The following ATRIP variants were observed in gnomAD, a reference collection of about 807,000 sequenced individuals.
The protein encoded by ATRIP is ATR interacting protein.
A neutral mutation model predicts 78.1 loss-of-function variants in ATRIP; 44 were observed. That is an observed-to-expected ratio of 0.56 (90% confidence interval 0.44 to 0.72). ATRIP has a LOEUF of 0.72. ATRIP is among the 30% of genes least tolerant of loss of function. The pLI, the probability that ATRIP is intolerant of heterozygous loss-of-function variation, is 0.00. For synonymous variants in ATRIP, 388 were observed against 408.9 expected (o/e 0.95, Z 0.62); for missense variants, 927 against 980.2 (o/e 0.95, Z 0.72).
At chr3:48,459,699 A>G (rs891116690) in intron 6 of ATRIP, 88 bp from the exon 7 acceptor site, 4 of 1,537,412 alleles carry the variant, frequency 2.6e-6, no homozygotes, top group Non-Finnish European at 3.5e-6. Context: ...GACAGTTGGC[A>G]TCCAAAGAAT....
chr3:48,457,320 A>G lies in ATRIP; in HGVS notation c.733A>G (p.Thr245Ala). The G allele has an allele frequency of 1.2e-6, 2 of 1,607,046 alleles. No homozygotes were observed. The highest frequency in any genetic ancestry group is 1.7e-5 in the Admixed American group (1 of 58,908). The part of the protein sequence containing the change: ...PEACSPQFGK[T>A]SFPTKESFSA... ...AGCATGTTCTCCACAATTTGGAAAA[A>G]CATCTTTTCCTACAAAGGAGTCTTT... Residue 245 changes from threonine (T) to alanine (A), a missense_variant, in exon 5 of 13, where the codon ACA becomes GCA. Coordinates refer to ENST00000320211, the MANE Select transcript of ATRIP (RefSeq NM_130384.3).
chr3:48,460,354 C>T lies in ATRIP; in HGVS notation c.1300C>T (p.Leu434=). 1 of 1,613,454 alleles carries T rather than the reference C, an allele frequency of 6.2e-7. No homozygotes were observed. The highest frequency in any genetic ancestry group is 1.1e-5 in the South Asian group (1 of 91,016). Residue 434 remains leucine, a synonymous_variant, in exon 8 of 13, where the codon CTG becomes TTG. Coordinates refer to ENST00000320211, the MANE Select transcript of ATRIP (RefSeq NM_130384.3). ...CTTCATCGGCTTACACTGCCAGGCC[C>T]TGCAGGACTTGGCAGCTGCTAAGAG... ...QFFIGLHCQA[L]QDLAAAKRSG... is the part of the protein sequence containing the mutation.
intron 10 of ATRIP, 100 bp downstream of exon 10, chr3:48,464,232 C>T (rs2107239546): frequency 2.7e-6 from 3 of 1,111,458 alleles, no homozygotes; most frequent in Middle Eastern, 4.1e-4. Flanking sequence ...AGCTTTAATT[C>T]ATTTTAGTAA....
Position 48,454,948 on chromosome 3 carries a change from C to T in ATRIP, c.671+530C>T, listed in dbSNP as rs1229985211. Reference sequence around the variant, plus strand: ...TACAATCTCGGCTCACTGCAACCTCCGCCTCCTGGGTTCAAGCAATTCTCC... The same window carrying T: ...TACAATCTCGGCTCACTGCAACCTCTGCCTCCTGGGTTCAAGCAATTCTCC... On this transcript the variant is annotated intron_variant, in intron 4 of 12. Transcript: ENST00000320211. Among the ~76,000 whole-genome samples the T allele has an allele frequency of 4.6e-5, 7 of 151,938 alleles. No homozygotes were observed. In the East Asian group the frequency reaches 1.2e-3, roughly 25 times the overall value.
chr3:48,460,933 T>A (rs2040090039), intron 8 of ATRIP, 134 bp downstream of exon 8: 1 of 898,498 alleles, frequency 1.1e-6, no homozygotes, highest in Non-Finnish European at 1.6e-6. Context: ...GTTCAGGGAG[T>A]TCTGAAGTGA....
intron 1 of ATRIP, among the ~76,000 whole-genome samples, chr3:48,448,920 G>A (rs1417482063): frequency 6.6e-6 from 1 of 152,214 alleles, no homozygotes; most frequent in Admixed American, 6.5e-5. Context: ...GTGAGTGTAA[G>A]GAAGTATCAA....
intron 8 of ATRIP, 137 bp downstream of exon 8, chr3:48,460,936 T>G (rs1158749626): frequency 5.0e-5 from 44 of 871,778 alleles, no homozygotes; most frequent in Non-Finnish European, 6.7e-5. Context: ...CAGGGAGTTC[T>G]GAAGTGATGG....
intron 1 of ATRIP, among the ~76,000 whole-genome samples, chr3:48,449,664 A>T (rs1198187123): frequency 6.6e-6 from 1 of 151,524 alleles, no homozygotes; most frequent in Non-Finnish European, 1.5e-5. Flanking sequence ...ACAGTGGCTG[A>T]CGCCTGTAAT....
chr3:48,449,960 G>T, intron 1 of ATRIP, 77 bp from the exon 2 acceptor site: 5 of 1,267,040 alleles, frequency 3.9e-6, no homozygotes, highest in Non-Finnish European at 5.4e-6. Flanking sequence ...AAAAAAAAAA[G>T]TGGGTATTTT....
Position 48,465,729 on chromosome 3 carries a change from T to C in ATRIP, c.*175T>C. On this transcript the variant is annotated 3_prime_UTR_variant, in exon 13 of 13. Transcript: ENST00000320211. ...GAGCAGGACCCGGACCCTGAGTGGCTGGGATCCTTCTTCCTGTCCCTGGCT... is the reference window on the plus strand; with the variant it reads ...GAGCAGGACCCGGACCCTGAGTGGCCGGGATCCTTCTTCCTGTCCCTGGCT... The C allele has an allele frequency of 1.6e-6, 1 of 613,004 alleles. No homozygotes were observed. The highest frequency in any genetic ancestry group is 2.8e-6 in the Non-Finnish European group (1 of 352,110). 38.0% of individuals were successfully genotyped at this position (613,004 alleles called of 1,614,324 possible).
Position 48,466,235 on chromosome 3 carries a change from C to CCGCCA in ATRIP, c.*683_*687dup, listed in dbSNP as rs2040287286. 1.7e-6 allele frequency: 1 copy of CCGCCA among 594,324 alleles called. No individual in the cohort carries two copies. The highest frequency in any genetic ancestry group is 2.9e-5 in the Admixed American group (1 of 34,990). The allele number at this position is 594,324 out of a possible 1,614,324, so 36.8% of individuals were successfully genotyped here. Reference sequence around the variant, plus strand: ...GCGGGCCCACGCCAAGTTTCACTTCCCGCCACTGCTGCCAGCGAGAGCCGC... The same window carrying CCGCCA: ...GCGGGCCCACGCCAAGTTTCACTTCCCGCCACGCCACTGCTGCCAGCGAGAGCCGC... On this transcript the variant is annotated 3_prime_UTR_variant, in exon 13 of 13. Coordinates refer to ENST00000320211, the MANE Select transcript of ATRIP (RefSeq NM_130384.3).
At chr3:48,449,719 A>G (rs1000680376) in intron 1 of ATRIP, among the ~76,000 whole-genome samples, 3 of 151,032 alleles carry the variant, frequency 2.0e-5, no homozygotes, top group Non-Finnish European at 4.4e-5. Context: ...CGAGGACAGG[A>G]AATCAAGACC....
At chr3:48,447,658 G>C (rs2039715320) in intron 1 of ATRIP, 9 of 558,930 alleles carry the variant, frequency 1.6e-5, no homozygotes, top group Non-Finnish European at 2.0e-5. Flanking sequence ...TTCTAGTTGA[G>C]GAGTGAGTGA....
chr3:48,466,412 A>G lies in ATRIP; in HGVS notation c.*858A>G, dbSNP rs935143302. On this transcript the variant is annotated 3_prime_UTR_variant, in exon 13 of 13. Transcript: ENST00000320211. ...AGGGGAGGGGCCGAGTCATGTGAAG[A>G]GGGAGACCCTCTCAGACAGTCGAAT... 3 of 1,601,434 alleles carry G rather than the reference A, an allele frequency of 1.9e-6. No homozygotes were observed. The African/African-American group carries it at 4.0e-5, about 21-fold the overall frequency.
At position 48,465,299 on chromosome 3, in the gene ATRIP, C is replaced by A. The variant is rs149258162; in HGVS notation, c.2309-188C>A. ...CTGTTGAGTGTGCCTGGCAGAGCCACGGTTTTTCCAGAAATAGCCGTGTCT... is the reference window on the plus strand; with the variant it reads ...CTGTTGAGTGTGCCTGGCAGAGCCAAGGTTTTTCCAGAAATAGCCGTGTCT... On this transcript the variant is annotated intron_variant, in intron 12 of 12. Transcript: ENST00000320211. 2.0e-5 allele frequency among the ~76,000 whole-genome samples: 3 copies of A among 152,338 alleles called. No homozygotes were observed. The South Asian group carries it at 6.2e-4, about 32-fold the overall frequency.
At chr3:48,453,634 A>G (rs2039886167) in intron 3 of ATRIP, among the ~76,000 whole-genome samples, 1 of 152,196 alleles carries the variant, frequency 6.6e-6, no homozygotes, top group South Asian at 2.1e-4. Flanking sequence ...TAGCAACTGC[A>G]GGCCAGAGCA....
At chr3:48,454,128 ATT>A (rs1303126328) in intron 3 of ATRIP, among the ~76,000 whole-genome samples, 170 bp from the exon 4 acceptor site, 2 of 152,200 alleles carry the variant, frequency 1.3e-5, no homozygotes, top group Admixed American at 1.3e-4. Context: ...AGAGTACCAT[ATT>A]GTCTTTCAGA....
In ATRIP at chr3:48,450,588, GA is replaced by G. The variant is rs1481033190; in HGVS notation, c.381+419del. On this transcript the variant is annotated intron_variant, in intron 2 of 12. Coordinates refer to ENST00000320211, the MANE Select transcript of ATRIP (RefSeq NM_130384.3). ...TTAGTTGTGCAAGGTATGTGACCCA[GA>G]TTTTTTTTTTTTTTTTTTTTGGAGA... 1.4e-5 allele frequency: 14 copies of G among 990,770 alleles called. No homozygotes were observed. In the Admixed American group the frequency reaches 3.5e-4, roughly 25 times the overall value. 61.4% of individuals were successfully genotyped at this position (990,770 alleles called of 1,614,324 possible).
intron 10 of ATRIP, 106 bp downstream of exon 10, chr3:48,464,238 A>G (rs2040203713): frequency 9.5e-7 from 1 of 1,056,668 alleles, no homozygotes; most frequent in Admixed American, 2.1e-5. Context: ...AATTCATTTT[A>G]GTAACAAGAG....
Sources: gnomAD v4.1 joint callset for allele counts (sites outside exome capture counted in the v4.1 genomes callset) on GRCh38, gnomAD v4.1.1 for gene constraint, MANE v1.5 for transcripts, NCBI Gene and HGNC (gene_info 2026-07-23, HGNC 2026-07-21) for gene names.